PHGDH: variants seen among roughly 807,000 people sequenced by gnomAD.
PHGDH encodes the protein phosphoglycerate dehydrogenase.
Under a neutral mutation model 52.6 loss-of-function variants are expected in PHGDH, and 50 were observed. That is an observed-to-expected ratio of 0.95 (90% CI 0.76 to 1.20). The LOEUF (loss-of-function observed/expected upper bound fraction) is 1.20. Among genes scored for constraint, PHGDH ranks in the 50% most tolerant of loss-of-function variants. The pLI is 0.00. For missense variants in PHGDH, 630 were observed against 684.6 expected, an observed-to-expected ratio of 0.92 and a Z score of 0.89; for synonymous variants, 271 against 280.5, an observed-to-expected ratio of 0.97 and a Z score of 0.34.
chr1:119,742,929 A>C lies in PHGDH; in HGVS notation c.1332A>C (p.Val444=), dbSNP rs367882480. The C allele has an allele frequency of 2.5e-6, 4 of 1,613,784 alleles. No homozygotes were observed. The African/African-American group carries it at 5.3e-5, about 22-fold the overall frequency. The change falls in exon 11 of 12, where the codon GTA becomes GTC. Residue 444 remains valine, a synonymous_variant. Coordinates refer to ENST00000641023, the MANE Select transcript of PHGDH (RefSeq NM_006623.4). ...AVGLVQGTTP[V]LQGLNGAVFR... is the part of the protein sequence containing the mutation. ...GCTTGGTCCAAGGCACTACGCCTGT[A>C]CTGCAGGGGCTCAATGGAGCTGTCT...
intron 1 of PHGDH, among the ~76,000 whole-genome samples, chr1:119,715,535 C>A (rs1650892868): frequency 6.6e-6 from 1 of 152,168 alleles, no homozygotes; most frequent in South Asian, 2.1e-4. Context: ...CATTGTCTTG[C>A]CCTATGATTT....
chr1:119,734,321 T>C (rs1651835057), intron 5 of PHGDH: 1 of 388,240 alleles, frequency 2.6e-6, no homozygotes, highest in Non-Finnish European at 4.9e-6. Flanking sequence ...GCACCTTCTT[T>C]TGAGCTCTGG....
chr1:119,743,064 G>T lies in PHGDH; in HGVS notation c.1447+20G>T. On this transcript the variant is annotated intron_variant, in intron 11 of 11. Coordinates refer to ENST00000641023, the MANE Select transcript of PHGDH (RefSeq NM_006623.4). ...TGATTGGTGAGGAGGGCCCTGTAGGGCTGGCTGGTGTCCTTGAGGCTGGGG... is the reference window on the plus strand; with the variant it reads ...TGATTGGTGAGGAGGGCCCTGTAGGTCTGGCTGGTGTCCTTGAGGCTGGGG... 1 of 1,500,496 alleles carries T rather than the reference G, an allele frequency of 6.7e-7. No individual in the cohort carries two copies. Among genetic ancestry groups the T allele is most frequent in the Non-Finnish European group, 9.3e-7 (1 of 1,076,010 alleles). 92.9% of individuals were successfully genotyped at this position (1,500,496 alleles called of 1,614,324 possible).
intron 4 of PHGDH, 23 bp from the exon 5 acceptor site, chr1:119,726,981 T>C: frequency 6.2e-7 from 1 of 1,609,554 alleles, no homozygotes; most frequent in Non-Finnish European, 8.5e-7. Flanking sequence ...TCAGCTTCTT[T>C]CCTTTTGCCT....
chr1:119,716,991 T>G (rs757742503), intron 1 of PHGDH, among the ~76,000 whole-genome samples: 3 of 152,138 alleles, frequency 2.0e-5, no homozygotes, highest in Non-Finnish European at 4.4e-5. Context: ...GAAGAGTCTA[T>G]AAACTAGTGA....
At chr1:119,713,509 A>G (rs946720897) in intron 1 of PHGDH, 3 of 152,246 alleles carry the variant, frequency 2.0e-5, no homozygotes, top group Non-Finnish European at 2.9e-5. Flanking sequence ...AGTTGAGCAG[A>G]TGACACAAGA....
chr1:119,712,567 G>A, intron 1 of PHGDH: 1 of 266,874 alleles, frequency 3.7e-6, no homozygotes, highest in Non-Finnish European at 7.3e-6. Flanking sequence ...GGGGCGATCG[G>A]GAGAGGGGCC....
chr1:119,712,242 C>G, intron 1 of PHGDH, 82 bp downstream of exon 1: 1 of 1,260,122 alleles, frequency 7.9e-7, no homozygotes, highest in Non-Finnish European at 1.1e-6. Context: ...AGCGCGCCCC[C>G]CTCGCATGCA....
chr1:119,738,923 C>T (rs1467854952), intron 8 of PHGDH, among the ~76,000 whole-genome samples: 1 of 152,196 alleles, frequency 6.6e-6, no homozygotes, highest in African/African-American at 2.4e-5. Context: ...GAGGTGAAAC[C>T]TCTTGGTCAA....
At chr1:119,738,483 C>T (rs1440364161) in intron 8 of PHGDH, among the ~76,000 whole-genome samples, 2 of 152,234 alleles carry the variant, frequency 1.3e-5, no homozygotes, top group Non-Finnish European at 2.9e-5. Flanking sequence ...GTCCTCTATG[C>T]TGTGTGGGCT....
chr1:119,729,996 A>T (rs1216535651), intron 5 of PHGDH: 3 of 152,104 alleles, frequency 2.0e-5, no homozygotes, highest in Non-Finnish European at 2.9e-5. Flanking sequence ...CTCCCACCTC[A>T]GCCCCTCCGG....
At chr1:119,724,517 A>G in intron 3 of PHGDH, 1 of 353,188 alleles carries the variant, frequency 2.8e-6, no homozygotes, top group South Asian at 2.2e-5. Flanking sequence ...GGGATAGCTT[A>G]CACAGCAGTA....
chr1:119,719,709 T>A (rs1185802966), intron 1 of PHGDH: 1 of 152,262 alleles, frequency 6.6e-6, no homozygotes, highest in Non-Finnish European at 1.5e-5. Context: ...ACATTTACTT[T>A]GTCCATATTT....
intron 8 of PHGDH, among the ~76,000 whole-genome samples, chr1:119,738,574 G>A (rs976832100): frequency 3.9e-5 from 6 of 152,212 alleles, no homozygotes; most frequent in Admixed American, 2.6e-4. Context: ...GATGCTGCTC[G>A]TTTCCCAGGC....
chr1:119,717,388 A>C (rs1486606789), intron 1 of PHGDH, among the ~76,000 whole-genome samples: 1 of 152,088 alleles, frequency 6.6e-6, no homozygotes, highest in East Asian at 1.9e-4. Flanking sequence ...TTCCATGCAG[A>C]AGTTTAAAAT....
At chr1:119,740,356 A>C (rs1012464095) in intron 8 of PHGDH, 30 bp from the exon 9 acceptor site, 17 of 1,613,798 alleles carry the variant, frequency 1.1e-5, no homozygotes, top group Non-Finnish European at 1.4e-5. Flanking sequence ...CCTCTTCCTG[A>C]CCACAGCCCC....
intron 9 of PHGDH, 27 bp downstream of exon 9, chr1:119,740,545 G>C (rs1164491253): frequency 1.9e-6 from 3 of 1,539,832 alleles, no homozygotes; most frequent in African/African-American, 2.7e-5. Flanking sequence ...GCAGAGGGAG[G>C]GGGAGGAGGG....
At chr1:119,742,477 A>G in intron 10 of PHGDH, 2 of 500,314 alleles carry the variant, frequency 4.0e-6, no homozygotes, top group South Asian at 4.1e-5. Flanking sequence ...GCCGTGCAGG[A>G]GGCTGTGTCA....
chr1:119,712,765 G>C lies in PHGDH; in HGVS notation c.138+605G>C, dbSNP rs3790713. Reference sequence around the variant, plus strand: ...GCAGCTGGAGGGGAAGGCAGCCCTCGTAAGGCAGCAAACACGTACCCGCCC... The same window carrying C: ...GCAGCTGGAGGGGAAGGCAGCCCTCCTAAGGCAGCAAACACGTACCCGCCC... On this transcript the variant is annotated intron_variant, in intron 1 of 11. Coordinates refer to ENST00000641023, the MANE Select transcript of PHGDH (RefSeq NM_006623.4). 2.3e-5 allele frequency: 4 copies of C among 170,418 alleles called. No individual in the cohort carries two copies. In the East Asian group the frequency reaches 6.7e-4, roughly 29 times the overall value. 10.6% of individuals were successfully genotyped at this position (170,418 alleles called of 1,614,324 possible).
Sources: allele counts gnomAD v4.1 joint callset (sites outside exome capture counted in the v4.1 genomes callset), GRCh38; gene constraint gnomAD v4.1.1; transcripts MANE v1.5; gene names NCBI Gene and HGNC (gene_info 2026-07-23, HGNC 2026-07-21).